The following SIMC1 variants were observed in gnomAD, a reference collection of about 807,000 sequenced individuals.
The protein encoded by SIMC1 is SUMO-interacting motif-containing protein 1.
In SIMC1, 55 loss-of-function variants were observed where a neutral mutation model predicts 82.3. That is an observed-to-expected ratio of 0.67 (90% CI 0.54 to 0.84). The LOEUF is 0.84. Ranked by LOEUF, SIMC1 falls within the 40% of genes least tolerant of loss-of-function variation. The probability of loss-of-function intolerance (pLI) is 0.00; values close to 1 mark genes in which losing one functional copy is unlikely to be tolerated. For missense variants in SIMC1, 915 were observed against 1,107.2 expected (o/e 0.83, Z 2.46); for synonymous variants, 353 against 426.3 (o/e 0.83, Z 2.12).
Position 176,277,151 on chromosome 5 carries a change from T to G in SIMC1, c.130-12503T>G, listed in dbSNP as rs1422023410. 1.2e-4 allele frequency among the ~76,000 whole-genome samples: 19 copies of G among 152,092 alleles called. 1 individual carries two copies. The highest frequency in any genetic ancestry group is 3.4e-3 in the Middle Eastern group (1 of 294). On this transcript the variant is annotated intron_variant, in intron 1 of 9. Transcript: ENST00000429602. ...TAATGATTGCCATTCTAACTGGTGT[T>G]AGATGGTATCTCATTGTGGTTTTGA... is the stretch of plus-strand genomic sequence containing the variant.
At chr5:176,285,206 A>G (rs1182910266) in intron 1 of SIMC1, among the ~76,000 whole-genome samples, 8 of 152,200 alleles carry the variant, frequency 5.3e-5, no homozygotes, top group Admixed American at 4.6e-4. Context: ...TTAGACCAAT[A>G]TCCCTGATGA....
At chr5:176,268,395 G>GT (rs1762287266) in intron 1 of SIMC1, among the ~76,000 whole-genome samples, 2 of 119,534 alleles carry the variant, frequency 1.7e-5, no homozygotes, top group Non-Finnish European at 3.4e-5. Context: ...CAAGAACCAA[G>GT]TATGTGCTAT....
rs549947620 is a variant in SIMC1 at position 176,242,507 on chromosome 5, A to G, written c.129+3870A>G. Among the ~76,000 whole-genome samples, 36 of 152,064 alleles carry G rather than the reference A, an allele frequency of 2.4e-4. No homozygotes were observed. The South Asian group carries it at 7.0e-3, about 30-fold the overall frequency. ...ACATATCTTTTTCTTAGTTTTTTTC[A>G]ATTTTTATAGGCTGTGGAGTTCATC... On this transcript the variant is annotated intron_variant, in intron 1 of 9. Transcript: ENST00000429602.
rs1190329649 is a variant in SIMC1 at position 176,324,624 on chromosome 5, C to T, written c.2043-5C>T. ...ACTCATCTGTGTCCTATGTTCTGGA[C>T]TCAGGATTGTGTGCCAGCTTCAGAG... On this transcript the variant is annotated splice_region_variant and splice_polypyrimidine_tract_variant and intron_variant, in intron 6 of 9. Coordinates refer to ENST00000429602, the MANE Select transcript of SIMC1 (RefSeq NM_001308195.2). 3 of 1,610,698 alleles carry T rather than the reference C, an allele frequency of 1.9e-6. No individual in the cohort carries two copies. The highest frequency in any genetic ancestry group is 2.2e-5 in the East Asian group (1 of 44,834).
At chr5:176,333,021 G>T (rs374810218) in intron 7 of SIMC1, among the ~76,000 whole-genome samples, 1 of 151,394 alleles carries the variant, frequency 6.6e-6, no homozygotes, top group Non-Finnish European at 1.5e-5. Context: ...TGATATAAAT[G>T]GCCTAGGCAC....
In SIMC1 at chr5:176,295,253, A is replaced by C; in HGVS notation, c.1655A>C (p.Lys552Thr). 2 of 1,612,600 alleles carry C rather than the reference A, an allele frequency of 1.2e-6. No homozygotes were observed. The highest frequency in any genetic ancestry group is 1.7e-6 in the Non-Finnish European group (2 of 1,179,170). The part of the protein sequence containing the change: ...VLKEAYMLLM[K>T]IQQLHPANAK... ...AAGGAGGCCTACATGCTTCTCATGA[A>C]AATTCAACAGTATGAACCGTAACCT... The change falls in exon 3 of 10, where the codon AAA (lysine) becomes ACA (threonine). Residue 552 changes from lysine (K) to threonine (T), a missense_variant. Physicochemically the swap from Lys to Thr is moderately conservative, Grantham distance 78. Coordinates refer to ENST00000429602, the MANE Select transcript of SIMC1 (RefSeq NM_001308195.2).
intron 1 of SIMC1, among the ~76,000 whole-genome samples, chr5:176,277,341 G>T (rs928198348): frequency 5.3e-5 from 8 of 151,844 alleles, no homozygotes; most frequent in Non-Finnish European, 1.2e-4. Flanking sequence ...GTAGATTCTG[G>T]ATATTAGCCC....
intron 6 of SIMC1, 42 bp from the exon 7 acceptor site, chr5:176,324,587 C>A: frequency 2.5e-6 from 4 of 1,592,888 alleles, no homozygotes; most frequent in Non-Finnish European, 3.4e-6. Context: ...TGGCTCCTTG[C>A]CAGACCCTCA....
intron 5 of SIMC1, among the ~76,000 whole-genome samples, chr5:176,315,273 G>A (rs533386821): frequency 1.3e-5 from 2 of 152,222 alleles, no homozygotes; most frequent in South Asian, 2.1e-4. Context: ...GACAGGGGGC[G>A]GGGCTATGGT....
At chr5:176,275,600 G>A (rs1471003583) in intron 1 of SIMC1, among the ~76,000 whole-genome samples, 8 of 151,722 alleles carry the variant, frequency 5.3e-5, no homozygotes, top group Admixed American at 1.3e-4. Flanking sequence ...TATGATATTG[G>A]CTGTGGGTTT....
At chr5:176,262,203 T>C (rs7719883) in intron 1 of SIMC1, among the ~76,000 whole-genome samples, 6,345 of 145,804 alleles carry the variant, frequency 0.044, 433 homozygotes, top group African/African-American at 0.15. Flanking sequence ...ATTCACCACA[T>C]CAGTAGGCTA....
At chr5:176,301,030 C>T (rs1160557517) in intron 4 of SIMC1, among the ~76,000 whole-genome samples, 1 of 152,190 alleles carries the variant, frequency 6.6e-6, no homozygotes, top group Non-Finnish European at 1.5e-5. Context: ...AAAATTAACA[C>T]CAATCCTCCT....
intron 1 of SIMC1, among the ~76,000 whole-genome samples, chr5:176,251,898 G>T (rs1236763573): frequency 6.9e-6 from 1 of 145,316 alleles, no homozygotes; most frequent in African/African-American, 2.6e-5. Flanking sequence ...AGGGTTGGGG[G>T]TAAGGTCACA....
chr5:176,271,990 T>C (rs1245614155), intron 1 of SIMC1, among the ~76,000 whole-genome samples: 1 of 144,684 alleles, frequency 6.9e-6, no homozygotes, highest in Non-Finnish European at 1.5e-5. Context: ...TATAACATAA[T>C]ATATATAACA....
chr5:176,257,776 G>A lies in SIMC1; in HGVS notation c.129+19139G>A, dbSNP rs559794543. 2.1e-4 allele frequency among the ~76,000 whole-genome samples: 32 copies of A among 152,216 alleles called. 1 individual carries two copies. The South Asian group carries it at 2.5e-3, about 12-fold the overall frequency. On this transcript the variant is annotated intron_variant, in intron 1 of 9. Transcript: ENST00000429602. ...CCCAAATGAATTTTAGAATAATTTT[G>A]TCGAAGACTGCATTAGATTGTTTCT...
chr5:176,313,654 G>A (rs368580789), intron 4 of SIMC1, 37 bp from the exon 5 acceptor site: 2 of 1,609,816 alleles, frequency 1.2e-6, no homozygotes, highest in African/African-American at 1.3e-5. Flanking sequence ...CCAAGAGACT[G>A]AGAAGAAAGA....
Position 176,327,561 on chromosome 5 carries a change from A to C in SIMC1, c.2171+2804A>C, listed in dbSNP as rs940197159. The stretch of plus-strand genomic sequence containing the variant: ...AATACACTTTAACTGTATCCTTCCC[A>C]ATCTGTGTATGCCTTTTGCTTGCTT... On this transcript the variant is annotated intron_variant, in intron 7 of 9. Transcript: ENST00000429602. 2.0e-5 allele frequency among the ~76,000 whole-genome samples: 3 copies of C among 152,248 alleles called. No individual in the cohort carries two copies. In the South Asian group the frequency reaches 6.2e-4, roughly 32 times the overall value.
chr5:176,315,125 G>A (rs1764840310), intron 5 of SIMC1, among the ~76,000 whole-genome samples: 1 of 152,152 alleles, frequency 6.6e-6, no homozygotes. Context: ...AAGAAAAGAG[G>A]TTTATTGGCT....
intron 1 of SIMC1, among the ~76,000 whole-genome samples, chr5:176,251,391 G>T (rs1761646241): frequency 1.3e-5 from 2 of 152,036 alleles, no homozygotes; most frequent in African/African-American, 2.4e-5. Flanking sequence ...AAACAATTTG[G>T]TATGTTTTTG....
Sources: allele counts gnomAD v4.1 joint callset (sites outside exome capture counted in the v4.1 genomes callset), GRCh38; gene constraint gnomAD v4.1.1; transcripts MANE v1.5; gene names NCBI Gene and HGNC (gene_info 2026-07-23, HGNC 2026-07-21).